LHFPL3: variants seen among roughly 807,000 people sequenced by gnomAD.
The protein encoded by LHFPL3 is LHFPL tetraspan subfamily member 3, also known as LHFPL tetraspan subfamily member 3 protein.
In LHFPL3, 5 loss-of-function variants were observed where a neutral mutation model predicts 19.3. That is an observed-to-expected ratio of 0.26 (90% CI 0.14 to 0.54). LHFPL3 has a LOEUF of 0.54. LHFPL3 is among the 20% of genes least tolerant of loss of function. The pLI is 0.94. For synonymous variants in LHFPL3, 133 were observed against 126.2 expected (o/e 1.05, Z -0.36); for missense variants, 249 against 307.4 (o/e 0.81, Z 1.42).
intron 2 of LHFPL3, among the ~76,000 whole-genome samples, chr7:104,802,491 CAAAA>C (rs920866759): frequency 3.1e-5 from 2 of 65,502 alleles, no homozygotes; most frequent in Admixed American, 1.8e-4. Flanking sequence ...AACCCTATCT[CAAAA>C]AAAAAAAAAA....
At chr7:104,808,691 T>A (rs934908718) in intron 2 of LHFPL3, among the ~76,000 whole-genome samples, 1 of 152,168 alleles carries the variant, frequency 6.6e-6, no homozygotes. Context: ...CATCAACTTG[T>A]AGTAATTACA....
intron 1 of LHFPL3, among the ~76,000 whole-genome samples, chr7:104,546,502 G>A (rs190673067): frequency 1.3e-5 from 2 of 152,224 alleles, no homozygotes; most frequent in East Asian, 3.9e-4. Flanking sequence ...TCAAAAGAAA[G>A]TCAGATAATG....
intron 2 of LHFPL3, among the ~76,000 whole-genome samples, chr7:104,744,591 C>A (rs1174454393): frequency 6.6e-6 from 1 of 152,162 alleles, no homozygotes; most frequent in Non-Finnish European, 1.5e-5. Context: ...CTTCTAATTC[C>A]TCTCCTCCCA....
intron 1 of LHFPL3, among the ~76,000 whole-genome samples, chr7:104,724,042 AGAG>A (rs933014719): frequency 2.6e-5 from 4 of 152,234 alleles, no homozygotes; most frequent in African/African-American, 9.6e-5. Context: ...TATAAAGCCA[AGAG>A]GAGTATTATT....
chr7:104,758,258 G>C (rs953222832), intron 2 of LHFPL3, among the ~76,000 whole-genome samples: 5 of 152,116 alleles, frequency 3.3e-5, no homozygotes, highest in African/African-American at 7.2e-5. Flanking sequence ...CTCACTACCT[G>C]GGTAATCCGC....
At chr7:104,627,436 C>T (rs1791566335) in intron 1 of LHFPL3, among the ~76,000 whole-genome samples, 1 of 152,156 alleles carries the variant, frequency 6.6e-6, no homozygotes. Context: ...TTCTTTGAAA[C>T]AAACTGATCT....
At chr7:104,801,998 G>A (rs983337898) in intron 2 of LHFPL3, among the ~76,000 whole-genome samples, 4 of 152,240 alleles carry the variant, frequency 2.6e-5, no homozygotes, top group Admixed American at 2.6e-4. Context: ...GTAGTGAGAC[G>A]TTTTTGACAC....
chr7:104,822,388 T>C (rs1790691114), intron 2 of LHFPL3, among the ~76,000 whole-genome samples: 1 of 152,202 alleles, frequency 6.6e-6, no homozygotes, highest in Admixed American at 6.5e-5. Flanking sequence ...TTCATCCTAG[T>C]CTAAATCTGA....
At chr7:104,892,860 G>A (rs1195035287) in intron 2 of LHFPL3, among the ~76,000 whole-genome samples, 2 of 151,598 alleles carry the variant, frequency 1.3e-5, no homozygotes, top group Non-Finnish European at 2.9e-5. Flanking sequence ...TTCATATCCT[G>A]CTTTATTCTT....
intron 1 of LHFPL3, among the ~76,000 whole-genome samples, chr7:104,405,546 T>C (rs1183340402): frequency 1.3e-5 from 2 of 152,212 alleles, no homozygotes; most frequent in Non-Finnish European, 1.5e-5. Context: ...AACACTCTTA[T>C]GAAATAAGTA....
chr7:104,651,184 C>T (rs187295924), intron 1 of LHFPL3, among the ~76,000 whole-genome samples: 4 of 152,244 alleles, frequency 2.6e-5, no homozygotes, highest in African/African-American at 9.6e-5. Context: ...GTTTAATGAA[C>T]CACACTGAGA....
intron 1 of LHFPL3, among the ~76,000 whole-genome samples, chr7:104,621,991 T>G (rs1268634223): frequency 2.0e-5 from 3 of 152,226 alleles, no homozygotes; most frequent in Admixed American, 6.5e-5. Context: ...CATGTGTTTA[T>G]AATTAATTAA....
chr7:104,603,082 C>CTT (rs773882692), intron 1 of LHFPL3, among the ~76,000 whole-genome samples: 39 of 110,926 alleles, frequency 3.5e-4, no homozygotes, highest in African/African-American at 1.3e-3. Context: ...TTCTTTCTTT[C>CTT]TTTCTTTCTT....
intron 2 of LHFPL3, among the ~76,000 whole-genome samples, chr7:104,889,378 G>A (rs766186237): frequency 3.3e-5 from 5 of 152,150 alleles, no homozygotes; most frequent in South Asian, 2.1e-4. Flanking sequence ...GGTGGCTCAC[G>A]CCTGTACTCC....
intron 1 of LHFPL3, among the ~76,000 whole-genome samples, chr7:104,422,621 C>T (rs1011837026): frequency 3.9e-5 from 6 of 152,198 alleles, no homozygotes; most frequent in Admixed American, 1.3e-4. Context: ...AAGTCCACCA[C>T]GTACTATGTA....
At chr7:104,898,849 G>T (rs1792422632) in intron 2 of LHFPL3, among the ~76,000 whole-genome samples, 1 of 152,034 alleles carries the variant, frequency 6.6e-6, no homozygotes, top group African/African-American at 2.4e-5. Context: ...AGGCATGATG[G>T]CTCATGCCTA....
At chr7:104,512,187 T>C (rs1793829810) in intron 1 of LHFPL3, among the ~76,000 whole-genome samples, 1 of 151,950 alleles carries the variant, frequency 6.6e-6, no homozygotes, top group Non-Finnish European at 1.5e-5. Flanking sequence ...AGTCCCAGCC[T>C]CAAGTGATCC....
chr7:104,485,421 A>T (rs1562912287), intron 1 of LHFPL3, among the ~76,000 whole-genome samples: 1 of 151,990 alleles, frequency 6.6e-6, no homozygotes, highest in Non-Finnish European at 1.5e-5. Context: ...TCTAGTTACT[A>T]TTGTGATATT....
chr7:104,615,364 C>T (rs1375299566), intron 1 of LHFPL3, among the ~76,000 whole-genome samples: 1 of 152,128 alleles, frequency 6.6e-6, no homozygotes, highest in Non-Finnish European at 1.5e-5. Flanking sequence ...ATTGATCATT[C>T]TTTTTTAAAA....
Sources: allele counts gnomAD v4.1 joint callset (sites outside exome capture counted in the v4.1 genomes callset), GRCh38; gene constraint gnomAD v4.1.1; transcripts MANE v1.5; gene names NCBI Gene and HGNC (gene_info 2026-07-23, HGNC 2026-07-21).